Variants in B4GALNT3 observed in about 807,000 individuals in gnomAD.
B4GALNT3 encodes the protein beta-1,4-N-acetylgalactosaminyltransferase 3.
Under a neutral mutation model 120.2 loss-of-function variants are expected in B4GALNT3, and 86 were observed. That is an observed-to-expected ratio of 0.72 (90% CI 0.60 to 0.86). The LOEUF is 0.86. B4GALNT3 is among the 40% of genes least tolerant of loss of function. The pLI is 0.00. For missense variants in B4GALNT3, 1,167 were observed against 1,298.9 expected, an observed-to-expected ratio of 0.90 and a Z score of 1.56; for synonymous variants, 518 against 510.4, an observed-to-expected ratio of 1.01 and a Z score of -0.20.
chr12:483,647 G>C (rs1422794369), intron 1 of B4GALNT3, among the ~76,000 whole-genome samples: 1 of 152,130 alleles, frequency 6.6e-6, no homozygotes. Flanking sequence ...GCAGAGAGCT[G>C]AGGTCATGCC....
At chr12:560,709 TC>T (rs779926146) in intron 19 of B4GALNT3, among the ~76,000 whole-genome samples, 1 of 152,208 alleles carries the variant, frequency 6.6e-6, no homozygotes, top group Non-Finnish European at 1.5e-5. Context: ...TCCACCTTGA[TC>T]TCTGTGCTGG....
intron 1 of B4GALNT3, among the ~76,000 whole-genome samples, chr12:473,517 T>TGGG (rs1275768950): frequency 1.3e-5 from 2 of 152,166 alleles, no homozygotes; most frequent in Admixed American, 6.5e-5. Context: ...GTTTCATACG[T>TGGG]GGGTCTCTGG....
chr12:460,563 G>T lies in B4GALNT3; in HGVS notation c.169+18G>T. 1 of 1,412,964 alleles carries T rather than the reference G, an allele frequency of 7.1e-7. No individual in the cohort carries two copies. The highest frequency in any genetic ancestry group is 9.3e-7 in the Non-Finnish European group (1 of 1,071,204). 87.5% of individuals were successfully genotyped at this position (1,412,964 alleles called of 1,614,324 possible). A position where few individuals can be genotyped will look rare whatever the true frequency, so the allele number is the denominator to read the frequency against. On this transcript the variant is annotated intron_variant, in intron 1 of 19. Coordinates refer to ENST00000266383, the MANE Select transcript of B4GALNT3 (RefSeq NM_173593.4). This position sits in a 1 kb window ranked among gnomAD's most constrained non-coding sequence, Gnocchi z 8.0. Reference sequence around the variant, plus strand: ...GAACCGGAGTAAGTAGCACCCAGGGGAGGCGAAGGGCGCGGGGGTGGGCGG... The same window carrying T: ...GAACCGGAGTAAGTAGCACCCAGGGTAGGCGAAGGGCGCGGGGGTGGGCGG...
At chr12:555,293 T>C (rs1236144373) in intron 14 of B4GALNT3, 2 of 454,654 alleles carry the variant, frequency 4.4e-6, no homozygotes, top group Admixed American at 4.7e-5. Context: ...TTTCTAGCTC[T>C]GTGGATTTTC....
intron 1 of B4GALNT3, among the ~76,000 whole-genome samples, chr12:513,407 CG>C (rs1209356540): frequency 1.3e-5 from 2 of 152,220 alleles, no homozygotes; most frequent in Non-Finnish European, 2.9e-5. Flanking sequence ...GTGGGTTATT[CG>C]TGCCTCTCAT....
chr12:512,914 ACCTTCTG>A (rs1946608126), intron 1 of B4GALNT3, among the ~76,000 whole-genome samples: 2 of 93,992 alleles, frequency 2.1e-5, no homozygotes, highest in Admixed American at 2.3e-4. Context: ...TCCGCTTTCC[ACCTTCTG>A]CCTTCCACCT....
intron 18 of B4GALNT3, among the ~76,000 whole-genome samples, 154 bp from the exon 19 acceptor site, chr12:559,140 AG>A (rs1351626716): frequency 1.3e-5 from 2 of 152,060 alleles, no homozygotes; most frequent in African/African-American, 4.8e-5. Context: ...CCTCCAAAAC[AG>A]GCAAAGTACT....
chr12:533,900 C>T (rs1347082770), intron 1 of B4GALNT3, among the ~76,000 whole-genome samples: 3 of 152,210 alleles, frequency 2.0e-5, no homozygotes, highest in African/African-American at 7.2e-5. Context: ...TGGGTGGCCA[C>T]CTTCGGTGAA....
intron 1 of B4GALNT3, among the ~76,000 whole-genome samples, chr12:529,351 G>A (rs148741249): frequency 6.6e-6 from 1 of 152,300 alleles, no homozygotes; most frequent in Non-Finnish European, 1.5e-5. Flanking sequence ...TAACCCTTTA[G>A]CTCCCTGTCT....
intron 1 of B4GALNT3, among the ~76,000 whole-genome samples, chr12:478,380 A>G (rs755367114): frequency 6.6e-6 from 1 of 152,204 alleles, no homozygotes; most frequent in Non-Finnish European, 1.5e-5. Context: ...TGCATAAAGA[A>G]AATTCTCCAG....
chr12:460,685 C>A lies in B4GALNT3; in HGVS notation c.169+140C>A. 1 of 933,960 alleles carries A rather than the reference C, an allele frequency of 1.1e-6. No individual in the cohort carries two copies. The highest frequency in any genetic ancestry group is 4.3e-5 in the South Asian group (1 of 23,490). The allele number at this position is 933,960 out of a possible 1,614,324, so 57.9% of individuals were successfully genotyped here. On this transcript the variant is annotated intron_variant, in intron 1 of 19. Coordinates refer to ENST00000266383, the MANE Select transcript of B4GALNT3 (RefSeq NM_173593.4). This position sits in a 1 kb window ranked among gnomAD's most constrained non-coding sequence, Gnocchi z 8.0. ...CCCTCAGGTGCCCGGCGTCGCCCCG[C>A]GCGTACTCGGGGAGAGCTGCGGGCG...
At chr12:511,321 GCCTTCCACCTTCCACCTTCCTTCCA>G (rs1946551283) in intron 1 of B4GALNT3, among the ~76,000 whole-genome samples, 1 of 15,388 alleles carries the variant, frequency 6.5e-5, no homozygotes, top group Non-Finnish European at 1.2e-4. Context: ...TCCGCCTTCT[GCCTTCCACCTTCCACCTTCCTTCCA>G]CCTTCCACCT....
rs542437129 is a variant in B4GALNT3 at position 501,589 on chromosome 12, A to G, written c.170-33577A>G. On this transcript the variant is annotated intron_variant, in intron 1 of 19. Coordinates refer to ENST00000266383, the MANE Select transcript of B4GALNT3 (RefSeq NM_173593.4). ...GAGTGAGACTCTGTCTCAAAATAAG[A>G]AAAAGGAAAAAGAAATAGGGGTCAG... Among the ~76,000 whole-genome samples the G allele has an allele frequency of 5.9e-5, 9 of 152,252 alleles. No homozygotes were observed. In the South Asian group the frequency reaches 1.9e-3, roughly 32 times the overall value.
At chr12:546,044 G>T (rs1463560439) in intron 6 of B4GALNT3, among the ~76,000 whole-genome samples, 1 of 140,830 alleles carries the variant, frequency 7.1e-6, no homozygotes, top group Non-Finnish European at 1.6e-5. Context: ...GGAGTGAGGA[G>T]TAGGGAGGAG....
intron 1 of B4GALNT3, among the ~76,000 whole-genome samples, chr12:471,717 T>TAAAAAAA (rs1273950257): frequency 3.2e-5 from 1 of 30,918 alleles, no homozygotes; most frequent in African/African-American, 8.7e-5. Flanking sequence ...AAAATAATAA[T>TAAAAAAA]AAAAAATAAA....
At chr12:481,114 T>C (rs1390590339) in intron 1 of B4GALNT3, among the ~76,000 whole-genome samples, 1 of 152,124 alleles carries the variant, frequency 6.6e-6, no homozygotes, top group Non-Finnish European at 1.5e-5. Flanking sequence ...TAGTGAGTCA[T>C]GGCCATGCCT....
chr12:549,982 G>C, intron 10 of B4GALNT3, 70 bp downstream of exon 10: 4 of 1,493,494 alleles, frequency 2.7e-6, no homozygotes, highest in Non-Finnish European at 2.7e-6. Flanking sequence ...GCTGATGGTG[G>C]AGAAGGCTTG....
chr12:546,103 T>TG (rs1298161821), intron 6 of B4GALNT3, among the ~76,000 whole-genome samples: 1 of 97,710 alleles, frequency 1.0e-5, no homozygotes, highest in Non-Finnish European at 2.1e-5. Flanking sequence ...TGTGGGAAAG[T>TG]GGGGAGTGAG....
In B4GALNT3 at chr12:496,471, A is replaced by G. The variant is rs374074301; in HGVS notation, c.169+35926A>G. On this transcript the variant is annotated intron_variant, in intron 1 of 19. Transcript: ENST00000266383. ...AAAAATTGTCCAGGCGTGGTGGCACACACCTGTGATCCCAGCTACCTGGCA... is the reference window on the plus strand; with the variant it reads ...AAAAATTGTCCAGGCGTGGTGGCACGCACCTGTGATCCCAGCTACCTGGCA... 1.5e-4 allele frequency among the ~76,000 whole-genome samples: 23 copies of G among 152,196 alleles called. 7 individuals carry two copies. Among genetic ancestry groups the G allele is most frequent in the Admixed American group, 2.0e-4 (3 of 15,276 alleles).
Sources: allele counts gnomAD v4.1 joint callset (sites outside exome capture counted in the v4.1 genomes callset), GRCh38; gene constraint gnomAD v4.1.1; non-coding constraint Gnocchi (gnomAD v3.1); transcripts MANE v1.5; gene names NCBI Gene and HGNC (gene_info 2026-07-23, HGNC 2026-07-21).